The following DNER variants were observed in gnomAD, a reference collection of about 807,000 sequenced individuals.
DNER encodes delta and Notch-like epidermal growth factor-related receptor.
In DNER, 33 loss-of-function variants were observed where a neutral mutation model predicts 78.2. The observed-to-expected ratio is 0.42, with a 90% CI of 0.32 to 0.56. The LOEUF (loss-of-function observed/expected upper bound fraction) is 0.56, where lower values mean the gene tolerates loss of function less well. DNER is among the 20% of genes least tolerant of loss of function. The probability of loss-of-function intolerance (pLI) is 0.11; values close to 1 mark genes in which losing one functional copy is unlikely to be tolerated. For missense variants in DNER, 918 were observed against 975.3 expected (o/e 0.94, Z 0.78); for synonymous variants, 417 against 384.8 (o/e 1.08, Z -0.98).
intron 4 of DNER, among the ~76,000 whole-genome samples, chr2:229,557,882 T>C (rs1696882222): frequency 6.6e-6 from 1 of 152,158 alleles, no homozygotes; most frequent in African/African-American, 2.4e-5. Flanking sequence ...GCTGGGTATA[T>C]AGCCAAAGAA....
At position 229,447,508 on chromosome 2, in the gene DNER, C is replaced by A. The variant is rs772338273; in HGVS notation, c.1294G>T (p.Asp432Tyr). ...YFGSACEEKV[D>Y]PCASSPCQNN... is the part of the protein sequence containing the mutation. The stretch of plus-strand genomic sequence containing the variant: ...TGGCACGGAGACGAGGCGCAGGGGT[C>A]CACCTTTTCTTCACAAGCAGATCCG... Residue 432 changes from aspartate to tyrosine, a missense_variant, in exon 8 of 13, where the codon GAC becomes TAC. Coordinates refer to ENST00000341772, the MANE Select transcript of DNER (RefSeq NM_139072.4). 1.2e-6 allele frequency: 2 copies of A among 1,614,060 alleles called. No homozygotes were observed. Among genetic ancestry groups the A allele is most frequent in the Admixed American group, 3.3e-5 (2 of 60,008 alleles).
At chr2:229,486,631 A>G (rs1244630763) in intron 6 of DNER, among the ~76,000 whole-genome samples, 1 of 152,218 alleles carries the variant, frequency 6.6e-6, no homozygotes, top group Admixed American at 6.5e-5. Context: ...TACCATTTCT[A>G]TGGAGTGTAC....
intron 9 of DNER, among the ~76,000 whole-genome samples, chr2:229,407,947 C>A (rs775491330): frequency 2.6e-5 from 4 of 152,142 alleles, no homozygotes; most frequent in Non-Finnish European, 5.9e-5. Context: ...TCGAAGATCA[C>A]AAGCCTGGTA....
At chr2:229,586,508 TAAAAAAAAAAAAAAAAAAAAAAAAA>T (rs555047737) in intron 3 of DNER, among the ~76,000 whole-genome samples, 773 of 13,488 alleles carry the variant, frequency 0.057, 49 homozygotes, top group African/African-American at 0.2. Context: ...TCATTTTTGG[TAAAAAAAAAAAAAAAAAAAAAAAAA>T]AAAAAAAAAA....
At chr2:229,417,475 T>C (rs1488854620) in intron 9 of DNER, among the ~76,000 whole-genome samples, 1 of 151,986 alleles carries the variant, frequency 6.6e-6, no homozygotes, top group Non-Finnish European at 1.5e-5. Context: ...AGCCTTGCCA[T>C]CCACAAAACG....
intron 7 of DNER, among the ~76,000 whole-genome samples, chr2:229,463,569 T>C (rs67150264): frequency 0.38 from 58,263 of 151,606 alleles, 12,995 homozygotes; most frequent in African/African-American, 0.63. Flanking sequence ...GCCTCCCGAG[T>C]AGCTGAGATT....
In DNER at chr2:229,629,303, A is replaced by T. The variant is rs533452128; in HGVS notation, c.277-37415T>A. Among the ~76,000 whole-genome samples, 8 of 152,366 alleles carry T rather than the reference A, an allele frequency of 5.3e-5. No individual in the cohort carries two copies. In the South Asian group the frequency reaches 1.2e-3, roughly 24 times the overall value. ...AATGCTTTCCAATATTCTAGTAAGG[A>T]GGAATTTATAGATAATGCCTGAGAT... On this transcript the variant is annotated intron_variant, in intron 1 of 12. Transcript: ENST00000341772.
At chr2:229,675,135 A>T (rs897797497) in intron 1 of DNER, among the ~76,000 whole-genome samples, 2 of 152,202 alleles carry the variant, frequency 1.3e-5, no homozygotes, top group Non-Finnish European at 2.9e-5. Flanking sequence ...AAGTTTGAAA[A>T]TACTCTGAAG....
At chr2:229,494,261 C>T (rs987400590) in intron 6 of DNER, among the ~76,000 whole-genome samples, 1 of 152,200 alleles carries the variant, frequency 6.6e-6, no homozygotes, top group Non-Finnish European at 1.5e-5. Flanking sequence ...TAAGTCTCAT[C>T]CACATACCAT....
At chr2:229,400,857 A>G (rs1693251552) in intron 10 of DNER, among the ~76,000 whole-genome samples, 1 of 152,058 alleles carries the variant, frequency 6.6e-6, no homozygotes, top group Admixed American at 6.5e-5. Flanking sequence ...TTCCTCCCAA[A>G]TTGTTAAGTA....
chr2:229,444,286 G>A (rs1487932527), intron 8 of DNER, among the ~76,000 whole-genome samples: 4 of 152,160 alleles, frequency 2.6e-5, no homozygotes, highest in Non-Finnish European at 5.9e-5. Context: ...TCCATGCCAG[G>A]AAATGGGCTG....
intron 10 of DNER, among the ~76,000 whole-genome samples, chr2:229,390,415 C>G (rs1402946241): frequency 6.6e-6 from 1 of 152,256 alleles, no homozygotes; most frequent in Non-Finnish European, 1.5e-5. Context: ...TCCAGAGCTT[C>G]TCCAAAAAGG....
intron 6 of DNER, among the ~76,000 whole-genome samples, chr2:229,482,147 T>C (rs1031393962): frequency 1.3e-5 from 2 of 152,222 alleles, no homozygotes; most frequent in Non-Finnish European, 2.9e-5. Context: ...CTAGTGGTAC[T>C]CCCTCTAAGC....
intron 1 of DNER, among the ~76,000 whole-genome samples, chr2:229,700,959 C>T (rs961461815): frequency 2.0e-5 from 3 of 151,276 alleles, no homozygotes; most frequent in Non-Finnish European, 2.9e-5. Flanking sequence ...CAGAACATTA[C>T]GTATAGGTTG....
At chr2:229,608,472 A>C (rs970857285) in intron 1 of DNER, among the ~76,000 whole-genome samples, 9 of 152,244 alleles carry the variant, frequency 5.9e-5, no homozygotes, top group African/African-American at 1.9e-4. Context: ...GATAGAAAAG[A>C]ATCTCTTAAA....
intron 7 of DNER, among the ~76,000 whole-genome samples, chr2:229,463,665 C>T (rs957908686): frequency 1.2e-4 from 18 of 152,152 alleles, no homozygotes; most frequent in African/African-American, 4.3e-4. Flanking sequence ...GTCTTGAACT[C>T]CTGCCCTCAA....
intron 9 of DNER, among the ~76,000 whole-genome samples, chr2:229,413,321 C>CTTTTTT (rs398061160): frequency 0.062 from 4,176 of 67,564 alleles, 359 homozygotes; most frequent in Middle Eastern, 0.11. Context: ...TTTTCTTCTT[C>CTTTTTT]TTTTTTTTTT....
intron 5 of DNER, among the ~76,000 whole-genome samples, chr2:229,516,008 G>T (rs962698992): frequency 2.0e-5 from 3 of 152,142 alleles, no homozygotes; most frequent in Non-Finnish European, 4.4e-5. Flanking sequence ...TTGCTTTATT[G>T]CAAGCAGGAA....
chr2:229,498,524 C>T (rs7574657), intron 6 of DNER, among the ~76,000 whole-genome samples: 18,989 of 152,082 alleles, frequency 0.12, 1,327 homozygotes, highest in South Asian at 0.2. Context: ...TTATTTAAAA[C>T]CCCACAAAAG....
Sources: allele counts gnomAD v4.1 joint callset (sites outside exome capture counted in the v4.1 genomes callset), GRCh38; gene constraint gnomAD v4.1.1; transcripts MANE v1.5; gene names NCBI Gene and HGNC (gene_info 2026-07-23, HGNC 2026-07-21).